The following FREM2 variants were observed in gnomAD, a reference collection of about 807,000 sequenced individuals.
The protein encoded by FREM2 is FRAS1-related extracellular matrix protein 2.
In FREM2, 119 loss-of-function variants were observed where a neutral mutation model predicts 219.9. The ratio of observed to expected loss-of-function variants is 0.54; its 90% CI spans 0.47 to 0.63. The LOEUF (loss-of-function observed/expected upper bound fraction) is 0.63. FREM2 is among the 30% of genes least tolerant of loss of function. FREM2 has a pLI of 0.00. For missense variants in FREM2, 4,030 were observed against 3,993.6 expected (o/e 1.01, Z -0.25); for synonymous variants, 1,562 against 1,522.8 (o/e 1.03, Z -0.60).
intron 6 of FREM2, among the ~76,000 whole-genome samples, chr13:38,816,837 T>C (rs943945499): frequency 2.8e-4 from 43 of 151,932 alleles, no homozygotes; most frequent in Non-Finnish European, 2.9e-5. Flanking sequence ...AAAGACTCCA[T>C]TGAAAAACAG....
chr13:38,699,910 C>T (rs1324121470), intron 2 of FREM2, among the ~76,000 whole-genome samples: 4 of 152,004 alleles, frequency 2.6e-5, no homozygotes, highest in African/African-American at 9.7e-5. Context: ...CTAGTCTATA[C>T]AATGATAGTA....
rs1555274159 is a variant in FREM2, at chr13:38,876,446, T to TTAAA, written c.8544+64_8544+65insTAAA. 6.7e-4 allele frequency: 744 copies of TTAAA among 1,111,620 alleles called. 1 individual carries two copies. The highest frequency in any genetic ancestry group is 2.6e-3 in the Middle Eastern group (12 of 4,620). 68.9% of individuals were successfully genotyped at this position (1,111,620 alleles called of 1,614,324 possible). On this transcript the variant is annotated intron_variant, in intron 20 of 23. Transcript: ENST00000280481. ...TCCCACTTTGTTTTTCATTTATTAG[T>TTAAA]AAAAAAAAAAAAAATCCACACGTGA...
At chr13:38,797,373 A>G (rs905954024) in intron 6 of FREM2, among the ~76,000 whole-genome samples, 14 of 152,028 alleles carry the variant, frequency 9.2e-5, no homozygotes, top group African/African-American at 3.4e-4. Flanking sequence ...ACATTTTTTC[A>G]TATATCTGTT....
At position 38,764,274 on chromosome 13, in the gene FREM2, A is replaced by G; in HGVS notation, c.5264-30A>G. The G allele has an allele frequency of 1.9e-6, 3 of 1,566,420 alleles. 1 individual carries two copies. Among genetic ancestry groups the G allele is most frequent in the Non-Finnish European group, 8.8e-7 (1 of 1,137,308 alleles). On this transcript the variant is annotated intron_variant, in intron 2 of 23. Transcript: ENST00000280481. Reference sequence around the variant, plus strand: ...AAGATCACTCATTCAAGAAAGCACTAATTTATGGCTTTAAATTTTTATTTT... The same window carrying G: ...AAGATCACTCATTCAAGAAAGCACTGATTTATGGCTTTAAATTTTTATTTT...
chr13:38,707,288 T>A lies in FREM2; in HGVS notation c.5263+9501T>A, dbSNP rs139789907. Among the ~76,000 whole-genome samples the A allele has an allele frequency of 3.5e-3, 537 of 152,290 alleles. 2 individuals carry two copies. The highest frequency in any genetic ancestry group is 0.012 in the African/African-American group (510 of 41,572). ...GCTAATTACCATTAGATATGATTCA[T>A]TTTTTTGCAGAGTATTAGTATTCTT... On this transcript the variant is annotated intron_variant, in intron 2 of 23. Coordinates refer to ENST00000280481, the MANE Select transcript of FREM2 (RefSeq NM_207361.6).
At position 38,697,686 on chromosome 13, in the gene FREM2, G is replaced by C; in HGVS notation, c.5174-12G>C. ...TGGTAATTAATCATCTTGTTTTTTG[G>C]TTATTTTCTAGCTGACATTGATGAC... On this transcript the variant is annotated splice_polypyrimidine_tract_variant and intron_variant, in intron 1 of 23. Transcript: ENST00000280481. 1 of 1,504,020 alleles carries C rather than the reference G, an allele frequency of 6.6e-7. No homozygotes were observed. Among genetic ancestry groups the C allele is most frequent in the Non-Finnish European group, 9.3e-7 (1 of 1,080,070 alleles). 93.2% of individuals were successfully genotyped at this position (1,504,020 alleles called of 1,614,324 possible).
intron 2 of FREM2, among the ~76,000 whole-genome samples, chr13:38,739,753 G>T (rs907733206): frequency 6.6e-6 from 1 of 152,174 alleles, no homozygotes; most frequent in East Asian, 1.9e-4. Flanking sequence ...CTACACGGTG[G>T]TTCTAAGAGC....
intron 2 of FREM2, among the ~76,000 whole-genome samples, chr13:38,744,222 T>G (rs929679514): frequency 6.9e-6 from 1 of 145,858 alleles, no homozygotes; most frequent in Non-Finnish European, 1.5e-5. Context: ...TTTTTTTTTT[T>G]TTTTTTGAGA....
intron 2 of FREM2, among the ~76,000 whole-genome samples, chr13:38,706,479 C>T (rs865951833): frequency 6.6e-6 from 1 of 152,046 alleles, no homozygotes; most frequent in African/African-American, 2.4e-5. Flanking sequence ...CTGAGAAGAG[C>T]TTGTTTTAAA....
intron 2 of FREM2, among the ~76,000 whole-genome samples, chr13:38,747,389 TATA>T: frequency 3.7e-5 from 4 of 109,168 alleles, no homozygotes. Context: ...ATAAAGCTGA[TATA>T]ATATGTGTGT....
At chr13:38,830,395 C>T (rs1237172739) in intron 6 of FREM2, among the ~76,000 whole-genome samples, 1 of 152,174 alleles carries the variant, frequency 6.6e-6, no homozygotes, top group African/African-American at 2.4e-5. Context: ...TCTCAATCTT[C>T]CCACCTCCAC....
At chr13:38,692,687 C>T (rs1869946145) in intron 1 of FREM2, among the ~76,000 whole-genome samples, 170 bp downstream of exon 1, 1 of 152,196 alleles carries the variant, frequency 6.6e-6, no homozygotes, top group Non-Finnish European at 1.5e-5. Context: ...CCTTCTTGTC[C>T]TACCTCCCAT....
intron 21 of FREM2, among the ~76,000 whole-genome samples, 164 bp from the exon 22 acceptor site, chr13:38,877,970 G>A (rs1878399605): frequency 6.6e-6 from 1 of 152,194 alleles, no homozygotes; most frequent in Admixed American, 6.5e-5. Flanking sequence ...GCCTGAGAAT[G>A]TACCAGATCT....
At chr13:38,784,905 A>G in intron 6 of FREM2, 97 bp downstream of exon 6, 1 of 1,285,434 alleles carries the variant, frequency 7.8e-7, no homozygotes, top group South Asian at 1.3e-5. Context: ...AACAATGATA[A>G]TATACACATT....
Position 38,856,152 on chromosome 13 carries a change from C to T in FREM2, c.6952C>T (p.Gln2318Ter). 6.2e-7 allele frequency: 1 copy of T among 1,610,940 alleles called. No individual in the cohort carries two copies. Among genetic ancestry groups the T allele is most frequent in the Non-Finnish European group, 8.5e-7 (1 of 1,177,694 alleles). The change falls in exon 12 of 24, where the codon CAG (glutamine) becomes TAG (stop). Residue 2318 changes from glutamine (Q) to a stop codon, truncating the protein, a stop_gained. Transcript: ENST00000280481. LOFTEE classifies it high-confidence loss of function. Reference sequence around the variant, plus strand: ...AATTGAGTTTAAGGAAGGGGAAACCCAGCACGTGGTTGAAATCGAAGTTAC... The same window carrying T: ...AATTGAGTTTAAGGAAGGGGAAACCTAGCACGTGGTTGAAATCGAAGTTAC... ...EEIEFKEGET[Q>*]HVVEIEVTFD... is the part of the protein sequence containing the mutation.
chr13:38,847,297 C>CT (rs869268870), intron 7 of FREM2, among the ~76,000 whole-genome samples: 2 of 146,098 alleles, frequency 1.4e-5, no homozygotes, highest in Non-Finnish European at 2.9e-5. Flanking sequence ...TCAAAATTTC[C>CT]TTTTTTTTCT....
At position 38,880,825 on chromosome 13, in the gene FREM2, T is replaced by A; in HGVS notation, c.*38T>A. The A allele has an allele frequency of 6.2e-7, 1 of 1,609,386 alleles. No homozygotes were observed. On this transcript the variant is annotated 3_prime_UTR_variant, in exon 24 of 24. Coordinates refer to ENST00000280481, the MANE Select transcript of FREM2 (RefSeq NM_207361.6). ...GAATTCAACCTTTTCCGTAAGTGCC[T>A]CGGAAAAGATCACAATGGAACCTTA...
rs1877321852 is a variant in FREM2, at chr13:38,850,232, C to T, written c.6574C>T (p.Pro2192Ser). Reference sequence around the variant, plus strand: ...TGATACCTCCATCATCACATTCCTCCCTGGTAAGCTTGAACTTGAAATTTT... The same window carrying T: ...TGATACCTCCATCATCACATTCCTCTCTGGTAAGCTTGAACTTGAAATTTT... ...NTDTSIITFL[P>S]GETEKPCILE... The change falls in exon 9 of 24, where the codon CCT becomes TCT. Residue 2192 changes from proline to serine, a missense_variant. By Grantham distance (74) the Pro-to-Ser change is moderately conservative. This residue lies in a region of FREM2 where 3,102 missense variants were observed against 2,950.7 expected (regional missense o/e 1.05). Coordinates refer to ENST00000280481, the MANE Select transcript of FREM2 (RefSeq NM_207361.6). The T allele has an allele frequency of 6.2e-7, 1 of 1,613,594 alleles. No homozygotes were observed. Among genetic ancestry groups the T allele is most frequent in the Non-Finnish European group, 8.5e-7 (1 of 1,179,612 alleles).
intron 6 of FREM2, among the ~76,000 whole-genome samples, chr13:38,842,345 G>C (rs898723560): frequency 2.0e-5 from 3 of 152,112 alleles, no homozygotes; most frequent in Non-Finnish European, 4.4e-5. Context: ...AGTGGTTGCT[G>C]GGAAAACTCA....
Sources: gnomAD v4.1 joint callset for allele counts (sites outside exome capture counted in the v4.1 genomes callset) on GRCh38, gnomAD v4.1.1 for gene constraint, gnomAD v4.1.1 regional missense constraint, MANE v1.5 for transcripts, NCBI Gene and HGNC (gene_info 2026-07-23, HGNC 2026-07-21) for gene names.